DEPDC4: variants seen among roughly 807,000 people sequenced by gnomAD.
The protein encoded by DEPDC4 is DEP domain containing 4, also known as DEP domain-containing protein 4.
A neutral mutation model predicts 52.0 loss-of-function variants in DEPDC4; 52 were observed. The observed-to-expected ratio is 1.00, with a 90% CI of 0.80 to 1.26. The LOEUF is 1.26. Among genes scored for constraint, DEPDC4 ranks in the 50% most tolerant of loss-of-function variants. The pLI is 0.00. For missense variants in DEPDC4, 530 were observed against 546.9 expected, an observed-to-expected ratio of 0.97 and a Z score of 0.31; for synonymous variants, 201 against 196.8, an observed-to-expected ratio of 1.02 and a Z score of -0.18.
intron 8 of DEPDC4, among the ~76,000 whole-genome samples, chr12:100,247,484 G>C (rs936066676): frequency 1.3e-5 from 2 of 152,224 alleles, no homozygotes; most frequent in Non-Finnish European, 2.9e-5. Context: ...GGGATTACAG[G>C]CATGAGCCAC....
At chr12:100,264,237 T>C (rs1197698197) in intron 1 of DEPDC4, among the ~76,000 whole-genome samples, 1 of 152,242 alleles carries the variant, frequency 6.6e-6, no homozygotes, top group African/African-American at 2.4e-5. Context: ...ACTTGAGTAT[T>C]GATTATTACA....
chr12:100,281,019 GTT>G, the DEPDC4 span, among the ~76,000 whole-genome samples: 18 of 50,488 alleles, frequency 3.6e-4, no homozygotes, highest in East Asian at 1.2e-3. Context: ...TACCATCAGT[GTT>G]TTTTTTTTTT....
the DEPDC4 span, among the ~76,000 whole-genome samples, chr12:100,276,308 CT>C: frequency 6.6e-6 from 1 of 151,866 alleles, no homozygotes; most frequent in Admixed American, 6.6e-5. Flanking sequence ...TCATTTGTGT[CT>C]TTTAAAATTT....
chr12:100,259,692 C>T (rs1896575), intron 3 of DEPDC4, among the ~76,000 whole-genome samples: 2,569 of 151,904 alleles, frequency 0.017, 72 homozygotes, highest in African/African-American at 0.059. Context: ...CCCCATTTTC[C>T]CTTTTAGAAA....
At chr12:100,261,630 T>C in intron 3 of DEPDC4, 1 of 447,646 alleles carries the variant, frequency 2.2e-6, no homozygotes, top group Admixed American at 2.4e-5. Flanking sequence ...GGTGAGTCCG[T>C]ATGTTTTCTC....
chr12:100,250,368 AC>A (rs2096202677), intron 7 of DEPDC4, among the ~76,000 whole-genome samples: 1 of 152,014 alleles, frequency 6.6e-6, no homozygotes, highest in African/African-American at 2.4e-5. Flanking sequence ...GGTGTCCACC[AC>A]CATGCCTGGC....
At chr12:100,266,885 T>C (rs2096276302) in intron 1 of DEPDC4, 35 bp downstream of exon 1, 1 of 1,594,410 alleles carries the variant, frequency 6.3e-7, no homozygotes, top group Admixed American at 1.7e-5. Context: ...CCCCTCCACC[T>C]TCACTGCACA....
At chr12:100,232,706 A>G (rs994661342) in intron 9 of DEPDC4, among the ~76,000 whole-genome samples, 1 of 152,078 alleles carries the variant, frequency 6.6e-6, no homozygotes, top group Non-Finnish European at 1.5e-5. Flanking sequence ...CAACTTGGAG[A>G]AACCCCATCT....
intron 2 of DEPDC4, 83 bp from the exon 3 acceptor site, chr12:100,262,492 T>G (rs1177732102): frequency 3.7e-5 from 41 of 1,111,106 alleles, no homozygotes; most frequent in Non-Finnish European, 5.0e-5. Context: ...GTATTAAAAT[T>G]TATTCATACA....
At chr12:100,281,204 T>A in the DEPDC4 span, among the ~76,000 whole-genome samples, 3 of 151,846 alleles carry the variant, frequency 2.0e-5, no homozygotes, top group African/African-American at 7.3e-5. Context: ...AATTTTCGAA[T>A]TTTTTGTAGG....
chr12:100,249,500 AC>A (rs1446156027), intron 7 of DEPDC4, among the ~76,000 whole-genome samples: 3 of 151,980 alleles, frequency 2.0e-5, no homozygotes, highest in African/African-American at 7.3e-5. Context: ...AACAACAAAA[AC>A]CCCCAAACAA....
upstream of DEPDC4, chr12:100,267,085 C>G: frequency 6.2e-7 from 1 of 1,611,880 alleles, no homozygotes; most frequent in Non-Finnish European, 8.5e-7. Flanking sequence ...ATAGCCCCGC[C>G]CCACCTGACA....
In DEPDC4 at chr12:100,244,091, C is replaced by A. The variant is rs781407206; in HGVS notation, c.1454-1522G>T. Among the ~76,000 whole-genome samples the A allele has an allele frequency of 9.3e-3, 325 of 34,894 alleles. 6 individuals carry two copies. The highest frequency in any genetic ancestry group is 0.011 in the Non-Finnish European group (210 of 18,662). The allele number at this position is 34,894 out of a possible 152,430, so 22.9% of individuals were successfully genotyped here. A position where few individuals can be genotyped will look rare whatever the true frequency, so the allele number is the denominator to read the frequency against. ...TCTCCCTCTCTCTCTCTCTCTCTCTCTGTGTATATATATATATATATATAT... is the reference window on the plus strand; with the variant it reads ...TCTCCCTCTCTCTCTCTCTCTCTCTATGTGTATATATATATATATATATAT... On this transcript the variant is annotated intron_variant, in intron 8 of 9. Transcript: ENST00000550587.
chr12:100,281,709 C>T, the DEPDC4 span, among the ~76,000 whole-genome samples: 1 of 151,902 alleles, frequency 6.6e-6, no homozygotes, highest in Non-Finnish European at 1.5e-5. Flanking sequence ...TAGCGGGCGC[C>T]TGTAGTCCCA....
Position 100,266,972 on chromosome 12 carries a change from G to A in DEPDC4, c.105C>T (p.Asn35=). The change falls in exon 1 of 10, where the codon AAC becomes AAT. Residue 35 remains asparagine (N), a synonymous_variant. Transcript: ENST00000550587. ...CTCTACGGTTCCTGGAACTTGGCCC[G>A]TTCAGCCCTGGGCCCGGAAGCTCGT... ...SQNELPGPGL[N]GPSSRNRRDG... The A allele has an allele frequency of 6.2e-7, 1 of 1,614,016 alleles. No homozygotes were observed. The highest frequency in any genetic ancestry group is 8.5e-7 in the Non-Finnish European group (1 of 1,179,946).
chr12:100,266,383 G>A lies in DEPDC4; in HGVS notation c.157+537C>T, dbSNP rs909754381. Among the ~76,000 whole-genome samples, 4 of 152,184 alleles carry A rather than the reference G, an allele frequency of 2.6e-5. No homozygotes were observed. The South Asian group carries it at 8.3e-4, about 31-fold the overall frequency. ...GACTGAGGAGGGGAGGCCAGAAAGTGATGGGCGGAGGTGGGCAGGAGGGTA... is the reference window on the plus strand; with the variant it reads ...GACTGAGGAGGGGAGGCCAGAAAGTAATGGGCGGAGGTGGGCAGGAGGGTA... On this transcript the variant is annotated intron_variant, in intron 1 of 9. Transcript: ENST00000550587.
intron 4 of DEPDC4, 104 bp downstream of exon 4, chr12:100,255,944 GT>G (rs2153912490): frequency 1.3e-6 from 1 of 772,470 alleles, no homozygotes; most frequent in Admixed American, 2.7e-5. Flanking sequence ...AAGAGAGATA[GT>G]ATAAGCTTAT....
chr12:100,232,266 C>T (rs1457219061), intron 9 of DEPDC4, among the ~76,000 whole-genome samples: 2 of 151,716 alleles, frequency 1.3e-5, no homozygotes, highest in Non-Finnish European at 1.5e-5. Flanking sequence ...TATGGTGGCA[C>T]GCAACTGTAA....
chr12:100,238,020 T>C (rs549128842), downstream of DEPDC4: 37 of 974,302 alleles, frequency 3.8e-5, no homozygotes, highest in South Asian at 1.6e-3. Flanking sequence ...GAGACTTCTA[T>C]CGAAGAGGGC....
Sources: gnomAD v4.1 joint callset for allele counts (sites outside exome capture counted in the v4.1 genomes callset) on GRCh38, gnomAD v4.1.1 for gene constraint, MANE v1.5 for transcripts, NCBI Gene and HGNC (gene_info 2026-07-23, HGNC 2026-07-21) for gene names.